PCDHGA5: variants seen among roughly 807,000 people sequenced by gnomAD.
The protein encoded by PCDHGA5 is protocadherin gamma subfamily A, 5, also known as protocadherin gamma-A5.
In PCDHGA5, 36 loss-of-function variants were observed where a neutral mutation model predicts 56.7. That is an observed-to-expected ratio of 0.64 (90% CI 0.49 to 0.84). The LOEUF (loss-of-function observed/expected upper bound fraction) is 0.84. Ranked by LOEUF, PCDHGA5 falls within the 40% of genes least tolerant of loss-of-function variation. PCDHGA5 has a pLI of 0.00. For missense variants in PCDHGA5, 1,305 were observed against 1,201.5 expected (o/e 1.09, Z -1.27); for synonymous variants, 563 against 520.2 (o/e 1.08, Z -1.12).
chr5:141,484,647 G>C (rs556711906), intron 1 of PCDHGA5, among the ~76,000 whole-genome samples: 1 of 151,948 alleles, frequency 6.6e-6, no homozygotes, highest in African/African-American at 2.4e-5. Context: ...CTCTCCAATG[G>C]CTACTCTCCC....
rs377387694 is a variant in PCDHGA5 at position 141,366,375 on chromosome 5, T to C, written c.2045T>C (p.Ile682Thr). 67 of 1,614,096 alleles carry C rather than the reference T, an allele frequency of 4.2e-5. No individual in the cohort carries two copies. Among genetic ancestry groups the C allele is most frequent in the East Asian group, 1.8e-4 (8 of 44,892 alleles). ...GACCTAGGCAGTATCAAGACCCCCA[T>C]TGACCCTGAGGATCTGGACCTCACA... ...LADLGSIKTP[I>T]DPEDLDLTLY... is the part of the protein sequence containing the mutation. Residue 682 changes from isoleucine (I) to threonine (T), a missense_variant, in exon 1 of 4, where the codon ATT becomes ACT. Transcript: ENST00000518069.
At chr5:141,385,259 A>G (rs1202101252) in intron 1 of PCDHGA5, 2 of 1,613,774 alleles carry the variant, frequency 1.2e-6, no homozygotes, top group Middle Eastern at 1.6e-4. Context: ...AGCTGTGAGA[A>G]AAATGATTCT....
At chr5:141,404,080 C>T (rs369802030) in intron 1 of PCDHGA5, 6 of 1,613,516 alleles carry the variant, frequency 3.7e-6, no homozygotes, top group Non-Finnish European at 4.2e-6. Context: ...ACCGAGACTC[C>T]GGGAAGAATG....
chr5:141,404,334 T>G (rs1201635505), intron 1 of PCDHGA5: 2 of 1,613,882 alleles, frequency 1.2e-6, no homozygotes, highest in Non-Finnish European at 1.7e-6. Flanking sequence ...TCAGTCTACC[T>G]CCCGGAAAAC....
chr5:141,422,253 T>C (rs917280432), intron 1 of PCDHGA5: 58 of 1,566,438 alleles, frequency 3.7e-5, no homozygotes, highest in Non-Finnish European at 5.0e-5. Context: ...TGGATGTGAA[T>C]GATAACGCTC....
rs1463716042 is a variant in PCDHGA5 at position 141,511,338 on chromosome 5, T to C, written c.*165T>C. 42 of 1,429,834 alleles carry C rather than the reference T, an allele frequency of 2.9e-5. No homozygotes were observed. The highest frequency in any genetic ancestry group is 3.9e-5 in the Non-Finnish European group (42 of 1,075,502). 88.6% of individuals were successfully genotyped at this position (1,429,834 alleles called of 1,614,324 possible). A position where few individuals can be genotyped will look rare whatever the true frequency, so the allele number is the denominator to read the frequency against. On this transcript the variant is annotated 3_prime_UTR_variant, in exon 4 of 4. Coordinates refer to ENST00000518069, the MANE Select transcript of PCDHGA5 (RefSeq NM_018918.3). ...CAGAAACAAGTGCCCAGTCAGCACC[T>C]ACCCCTTCCCCCCCAGGGGGTTGAA... is the stretch of plus-strand genomic sequence containing the variant.
chr5:141,366,718 G>C lies in PCDHGA5; in HGVS notation c.2388G>C (p.Lys796Asn), dbSNP rs772444465. Reference protein sequence around the residue: ...EKSEPLLMSDKVDANKEERRV... With the variant: ...EKSEPLLMSDNVDANKEERRV... ...GCGAGCCTCTTCTGATGTCTGATAA[G>C]GTAGATGCAAACAAAGAAGAACGGC... The change falls in exon 1 of 4, where the codon AAG becomes AAC. Residue 796 changes from lysine to asparagine, a missense_variant. Coordinates refer to ENST00000518069, the MANE Select transcript of PCDHGA5 (RefSeq NM_018918.3). 1 of 1,613,638 alleles carries C rather than the reference G, an allele frequency of 6.2e-7. No individual in the cohort carries two copies. The highest frequency in any genetic ancestry group is 8.5e-7 in the Non-Finnish European group (1 of 1,179,684).
At chr5:141,437,761 C>T (rs1200327020) in intron 1 of PCDHGA5, among the ~76,000 whole-genome samples, 1 of 144,680 alleles carries the variant, frequency 6.9e-6, no homozygotes, top group African/African-American at 2.6e-5. Context: ...TTTTTTGAGA[C>T]AGAGTCTCAA....
intron 3 of PCDHGA5, among the ~76,000 whole-genome samples, chr5:141,506,444 C>CA (rs1219684339): frequency 0.017 from 1,570 of 94,842 alleles, 20 homozygotes; most frequent in African/African-American, 0.048. Flanking sequence ...CGCTCTGTCT[C>CA]AAAAAAAAAA....
chr5:141,475,550 T>G (rs2099365082), intron 1 of PCDHGA5, among the ~76,000 whole-genome samples: 1 of 152,246 alleles, frequency 6.6e-6, no homozygotes, highest in Non-Finnish European at 1.5e-5. Flanking sequence ...AGGGTCCGGC[T>G]AATTGTCTGT....
chr5:141,414,868 G>C, intron 1 of PCDHGA5: 1 of 1,614,216 alleles, frequency 6.2e-7, no homozygotes, highest in Non-Finnish European at 8.5e-7. Flanking sequence ...CAATGCGCCC[G>C]AGATCCTGTA....
Position 141,489,458 on chromosome 5 carries a change from G to T in PCDHGA5, c.2422-5349G>T, listed in dbSNP as rs143138320. 1 of 1,613,924 alleles carries T rather than the reference G, an allele frequency of 6.2e-7. No homozygotes were observed. Among genetic ancestry groups the T allele is most frequent in the Non-Finnish European group, 8.5e-7 (1 of 1,180,000 alleles). On this transcript the variant is annotated intron_variant, in intron 1 of 3. Coordinates refer to ENST00000518069, the MANE Select transcript of PCDHGA5 (RefSeq NM_018918.3). The surrounding 1 kb of genome is among the most constrained non-coding windows in gnomAD (Gnocchi z 4.5). ...CAATTGGGCTCTGAGGAGAATGGGC[G>T]CTATTTTTCCCTGAGCTTGATGAGT...
intron 1 of PCDHGA5, chr5:141,430,840 A>G: frequency 6.4e-7 from 1 of 1,565,876 alleles, no homozygotes; most frequent in East Asian, 2.2e-5. Flanking sequence ...GGGAGACCGG[A>G]TGCACCCAGA....
chr5:141,385,771 C>A, intron 1 of PCDHGA5: 1 of 163,128 alleles, frequency 6.1e-6, no homozygotes, highest in Non-Finnish European at 1.3e-5. Context: ...CTGATTCTGC[C>A]TCCATGTACC....
chr5:141,374,863 A>C (rs1588752717), intron 1 of PCDHGA5: 1 of 1,613,784 alleles, frequency 6.2e-7, no homozygotes, highest in Non-Finnish European at 8.5e-7. Context: ...TAGGCACACC[A>C]GTGTTGGCAG....
chr5:141,507,522 C>G (rs560304194), intron 3 of PCDHGA5, among the ~76,000 whole-genome samples: 365 of 152,096 alleles, frequency 2.4e-3, no homozygotes, highest in African/African-American at 8.1e-3. Context: ...GCTATGATTC[C>G]AGAGAGGCCA....
intron 1 of PCDHGA5, chr5:141,370,659 C>G: frequency 6.2e-7 from 1 of 1,613,780 alleles, no homozygotes; most frequent in Non-Finnish European, 8.5e-7. Context: ...TGTGAGCGAC[C>G]GTATAGACCG....
chr5:141,384,543 G>A (rs767368247), intron 1 of PCDHGA5: 4 of 1,614,256 alleles, frequency 2.5e-6, no homozygotes, highest in South Asian at 1.1e-5. Context: ...ACATGTCACT[G>A]AGCCTGTTCG....
chr5:141,460,377 T>C (rs1592666836), intron 1 of PCDHGA5, among the ~76,000 whole-genome samples: 1 of 152,342 alleles, frequency 6.6e-6, no homozygotes, highest in Non-Finnish European at 1.5e-5. Flanking sequence ...AGTTTTACCA[T>C]TTATAATTTG....
Sources: gnomAD v4.1 joint callset for allele counts (sites outside exome capture counted in the v4.1 genomes callset) on GRCh38, gnomAD v4.1.1 for gene constraint, Gnocchi (gnomAD v3.1) non-coding constraint, MANE v1.5 for transcripts, NCBI Gene and HGNC (gene_info 2026-07-23, HGNC 2026-07-21) for gene names.